Variants in PTPRG observed in about 807,000 individuals in gnomAD.
PTPRG encodes protein tyrosine phosphatase receptor type G, also known as receptor-type tyrosine-protein phosphatase gamma.
PTPRG carries 102 observed loss-of-function variants against 165.3 expected under a neutral mutation model. The observed-to-expected ratio is 0.62, with a 90% CI of 0.53 to 0.73. PTPRG has a LOEUF of 0.73. Among genes scored for constraint, PTPRG ranks in the 30% least tolerant of loss-of-function variants. The probability of loss-of-function intolerance (pLI) is 0.00; values close to 1 mark genes in which losing one functional copy is unlikely to be tolerated. For missense variants in PTPRG, 1,866 were observed against 1,861.4 expected (o/e 1.00, Z -0.05); for synonymous variants, 675 against 669.5 (o/e 1.01, Z -0.13).
At chr3:62,150,506 GAAGTTT>G (rs1253508700) in intron 6 of PTPRG, among the ~76,000 whole-genome samples, 1 of 152,196 alleles carries the variant, frequency 6.6e-6, no homozygotes, top group East Asian at 1.9e-4. Context: ...CCTGCACATT[GAAGTTT>G]AAGTGGCGCT....
intron 28 of PTPRG, among the ~76,000 whole-genome samples, chr3:62,285,178 G>A (rs1702594533): frequency 6.6e-6 from 1 of 152,068 alleles, no homozygotes; most frequent in South Asian, 2.1e-4. Context: ...CCAATGCCTG[G>A]GACAGCGTGG....
intron 5 of PTPRG, among the ~76,000 whole-genome samples, chr3:62,079,816 C>G (rs1680823911): frequency 6.6e-6 from 1 of 152,176 alleles, no homozygotes; most frequent in Non-Finnish European, 1.5e-5. Flanking sequence ...GTATCCTTAT[C>G]TGTGAAGTAG....
intron 2 of PTPRG, among the ~76,000 whole-genome samples, chr3:61,906,400 G>A (rs1400351825): frequency 6.6e-6 from 1 of 151,652 alleles, no homozygotes; most frequent in Non-Finnish European, 1.5e-5. Flanking sequence ...AGGTTTCAGT[G>A]AGCCGAGATC....
At chr3:61,888,761 T>C (rs908566464) in intron 2 of PTPRG, among the ~76,000 whole-genome samples, 3 of 152,232 alleles carry the variant, frequency 2.0e-5, no homozygotes, top group African/African-American at 7.2e-5. Context: ...GTTCCTATTA[T>C]AGGAGATTTC....
chr3:62,017,704 G>A (rs1469816835), intron 4 of PTPRG, among the ~76,000 whole-genome samples: 5 of 152,056 alleles, frequency 3.3e-5, no homozygotes, highest in East Asian at 1.9e-4. Context: ...GATTACAGGC[G>A]TGAGCCACCG....
chr3:62,116,256 G>C (rs894312731), intron 5 of PTPRG, among the ~76,000 whole-genome samples: 3 of 152,088 alleles, frequency 2.0e-5, no homozygotes, highest in Non-Finnish European at 2.9e-5. Context: ...TATCAGGTAG[G>C]CCTTTTAGTA....
chr3:61,731,434 C>T (rs1182201525), intron 1 of PTPRG, among the ~76,000 whole-genome samples: 3 of 151,288 alleles, frequency 2.0e-5, no homozygotes, highest in Admixed American at 6.6e-5. Flanking sequence ...CTGCAACCTC[C>T]GCCTCCCGGG....
At chr3:61,596,205 TCA>T (rs1700694566) in intron 1 of PTPRG, among the ~76,000 whole-genome samples, 1 of 152,186 alleles carries the variant, frequency 6.6e-6, no homozygotes, top group Non-Finnish European at 1.5e-5. Flanking sequence ...TTTATCGTTG[TCA>T]CCCCCTCATT....
At chr3:62,024,509 C>T (rs868689903) in intron 4 of PTPRG, among the ~76,000 whole-genome samples, 22 of 152,148 alleles carry the variant, frequency 1.4e-4, no homozygotes, top group Admixed American at 5.9e-4. Flanking sequence ...TACTCCATCA[C>T]GCTTAGGTAG....
At position 61,773,382 on chromosome 3, in the gene PTPRG, G is replaced by A. The variant is rs149790273; in HGVS notation, c.190+24400G>A. Among the ~76,000 whole-genome samples the A allele has an allele frequency of 1.2e-3, 181 of 152,302 alleles. 1 individual carries two copies. In the East Asian group the frequency reaches 0.032, roughly 27 times the overall value. The stretch of plus-strand genomic sequence containing the variant: ...ATAAACGCCTAACTACAGACCATTG[G>A]TAGCAATGTAATAATAATAAAAGAT... On this transcript the variant is annotated intron_variant, in intron 2 of 29. Transcript: ENST00000474889.
rs753150004 is a variant in PTPRG, at chr3:61,722,341, AT to A, written c.86-26535del. 3.9e-5 allele frequency among the ~76,000 whole-genome samples: 6 copies of A among 152,314 alleles called. No homozygotes were observed. In the East Asian group the frequency reaches 7.7e-4, roughly 20 times the overall value. On this transcript the variant is annotated intron_variant, in intron 1 of 29. Transcript: ENST00000474889. ...ATGCCCCCGTGGGCCAAATACGTTC[AT>A]TAGGCTCTACCTCTCAACACCACTG...
Position 62,203,163 on chromosome 3 carries a change from C to T in PTPRG, c.1378-10C>T. The T allele has an allele frequency of 1.3e-6, 2 of 1,563,618 alleles. No individual in the cohort carries two copies. Among genetic ancestry groups the T allele is most frequent in the Middle Eastern group, 1.7e-4 (1 of 5,776 alleles). ...CCTCTTTTCCACCCTTGCCGGGTGA[C>T]CCTTTCCAGCCCACAGCGTCTCCTG... On this transcript the variant is annotated splice_polypyrimidine_tract_variant and intron_variant, in intron 11 of 29. Coordinates refer to ENST00000474889, the MANE Select transcript of PTPRG (RefSeq NM_002841.4). The surrounding 1 kb of genome is among the most constrained non-coding windows in gnomAD (Gnocchi z 6.4).
chr3:61,580,348 C>T lies in PTPRG; in HGVS notation c.85+17976C>T, dbSNP rs144214788. Among the ~76,000 whole-genome samples, 4 of 152,018 alleles carry T rather than the reference C, an allele frequency of 2.6e-5. No individual in the cohort carries two copies. In the East Asian group the frequency reaches 5.8e-4, roughly 22 times the overall value. On this transcript the variant is annotated intron_variant, in intron 1 of 29. Transcript: ENST00000474889. The stretch of plus-strand genomic sequence containing the variant: ...ACCGTGCAGGAGTCAATACCCTTAA[C>T]CCTTGAGTCGTTCAAGGGTCAACTC...
chr3:61,625,561 G>A (rs1279648904), intron 1 of PTPRG, among the ~76,000 whole-genome samples: 3 of 152,154 alleles, frequency 2.0e-5, no homozygotes, highest in African/African-American at 4.8e-5. Context: ...TTTCAAGCCC[G>A]TGACTTGGAA....
Position 61,828,712 on chromosome 3 carries a change from A to G in PTPRG, c.190+79730A>G, listed in dbSNP as rs144061891. On this transcript the variant is annotated intron_variant, in intron 2 of 29. Transcript: ENST00000474889. ...ATAGGATAGTATTGGACTTGAGCCA[A>G]TGGGAATTGGCTTGGTGAAGACCTC... 8.1e-3 allele frequency among the ~76,000 whole-genome samples: 1,230 copies of G among 152,294 alleles called. 27 individuals are homozygous for G. Among genetic ancestry groups the G allele is most frequent in the Non-Finnish European group, 7.2e-3 (493 of 68,024 alleles).
chr3:61,634,925 T>C (rs1315056980), intron 1 of PTPRG, among the ~76,000 whole-genome samples: 1 of 152,242 alleles, frequency 6.6e-6, no homozygotes, highest in African/African-American at 2.4e-5. Context: ...GTTCAGACCT[T>C]GGCAGTTCTC....
chr3:61,574,896 G>T (rs1186779672), intron 1 of PTPRG, among the ~76,000 whole-genome samples: 3 of 152,210 alleles, frequency 2.0e-5, no homozygotes, highest in African/African-American at 7.2e-5. Context: ...CCATTCCCAC[G>T]AGAAGTGACT....
chr3:61,849,672 T>C (rs906229712), intron 2 of PTPRG, among the ~76,000 whole-genome samples: 2 of 152,206 alleles, frequency 1.3e-5, no homozygotes, highest in Non-Finnish European at 2.9e-5. Flanking sequence ...GTATTTTTCT[T>C]TTCTTTGCTA....
At chr3:62,278,555 C>G (rs1702316534) in intron 26 of PTPRG, among the ~76,000 whole-genome samples, 1 of 152,016 alleles carries the variant, frequency 6.6e-6, no homozygotes. Context: ...AAACAAAAAA[C>G]AGTGAGGATC....
Sources: gnomAD v4.1 joint callset for allele counts (sites outside exome capture counted in the v4.1 genomes callset) on GRCh38, gnomAD v4.1.1 for gene constraint, Gnocchi (gnomAD v3.1) non-coding constraint, MANE v1.5 for transcripts, NCBI Gene and HGNC (gene_info 2026-07-23, HGNC 2026-07-21) for gene names.